Variants in GPR63 observed in about 807,000 individuals in gnomAD.
GPR63 encodes the protein probable G protein-coupled receptor 63.
In GPR63, 12 loss-of-function variants were observed where a neutral mutation model predicts 23.1. That is an observed-to-expected ratio of 0.52 (90% confidence interval 0.33 to 0.84). The LOEUF is 0.84. Ranked by LOEUF, GPR63 falls within the 40% of genes least tolerant of loss-of-function variation. The probability of loss-of-function intolerance (pLI) is 0.02; values close to 1 mark genes in which losing one functional copy is unlikely to be tolerated. For synonymous variants in GPR63, 172 were observed against 191.1 expected (o/e 0.90, Z 0.82); for missense variants, 472 against 515.6 (o/e 0.92, Z 0.82).
chr6:96,835,868 G>A (rs1774714051), intron 1 of GPR63, among the ~76,000 whole-genome samples: 2 of 152,036 alleles, frequency 1.3e-5, no homozygotes, highest in African/African-American at 2.4e-5. Flanking sequence ...ACACTATCCC[G>A]TCTGCCTTGG....
intron 1 of GPR63, among the ~76,000 whole-genome samples, chr6:96,820,858 A>G (rs1256413234): frequency 6.6e-6 from 1 of 152,208 alleles, no homozygotes; most frequent in Non-Finnish European, 1.5e-5. Context: ...TAGTTTATCT[A>G]ATCAAAACTA....
At chr6:96,817,798 T>TG (rs1774201489) in intron 1 of GPR63, among the ~76,000 whole-genome samples, 1 of 151,984 alleles carries the variant, frequency 6.6e-6, no homozygotes, top group African/African-American at 2.4e-5. Context: ...AATTCATCTA[T>TG]GTTAGTAGTT....
chr6:96,800,429 G>A (rs752417460), intron 1 of GPR63, among the ~76,000 whole-genome samples: 21 of 152,170 alleles, frequency 1.4e-4, no homozygotes, highest in Middle Eastern at 6.8e-3. Context: ...TAGGCACTAA[G>A]TAATTGTCAA....
chr6:96,816,900 C>T (rs1188098035), intron 1 of GPR63, among the ~76,000 whole-genome samples: 6 of 152,128 alleles, frequency 3.9e-5, no homozygotes, highest in Admixed American at 3.9e-4. Flanking sequence ...TCCAATATAA[C>T]AACCAAATAT....
rs74568233 is a variant in GPR63, at chr6:96,800,465, T to C, written c.-150-584A>G. The stretch of plus-strand genomic sequence containing the variant: ...TGAAGATCTGAAACATTTTCTTGGC[T>C]TGCTATTTATTTATTTATCCAATTA... On this transcript the variant is annotated intron_variant, in intron 1 of 1. Coordinates refer to ENST00000229955, the MANE Select transcript of GPR63 (RefSeq NM_030784.4). 2.9e-3 allele frequency among the ~76,000 whole-genome samples: 439 copies of C among 152,296 alleles called. 1 individual carries two copies. Among genetic ancestry groups the C allele is most frequent in the African/African-American group, 0.01 (423 of 41,578 alleles).
chr6:96,817,508 A>G (rs1263498839), intron 1 of GPR63, among the ~76,000 whole-genome samples: 1 of 152,186 alleles, frequency 6.6e-6, no homozygotes, highest in Non-Finnish European at 1.5e-5. Context: ...CTCCTGAGTA[A>G]TGAACAGAAA....
chr6:96,826,458 T>C (rs1774440884), intron 1 of GPR63, among the ~76,000 whole-genome samples: 1 of 152,138 alleles, frequency 6.6e-6, no homozygotes, highest in African/African-American at 2.4e-5. Flanking sequence ...AATTAAAAAT[T>C]GAAATTAAAA....
chr6:96,819,003 A>G (rs552312982), intron 1 of GPR63, among the ~76,000 whole-genome samples: 2 of 152,154 alleles, frequency 1.3e-5, no homozygotes, highest in East Asian at 1.9e-4. Flanking sequence ...TGATCATTAA[A>G]AAGTCAGGAA....
At chr6:96,818,476 T>C (rs975765419) in intron 1 of GPR63, among the ~76,000 whole-genome samples, 2 of 151,606 alleles carry the variant, frequency 1.3e-5, no homozygotes, top group African/African-American at 4.8e-5. Context: ...AAAAAAAAAA[T>C]TTTCATGTAC....
chr6:96,831,541 G>T (rs1774580303), intron 1 of GPR63, among the ~76,000 whole-genome samples: 1 of 151,910 alleles, frequency 6.6e-6, no homozygotes, highest in African/African-American at 2.4e-5. Context: ...AAATATCAAT[G>T]CCCTTTTATT....
intron 1 of GPR63, among the ~76,000 whole-genome samples, chr6:96,819,723 C>T (rs909219038): frequency 1.4e-5 from 2 of 144,344 alleles, no homozygotes; most frequent in African/African-American, 2.7e-5. Flanking sequence ...AACTAAATTG[C>T]CAAAAAAAAA....
chr6:96,816,729 A>G (rs1774174691), intron 1 of GPR63, among the ~76,000 whole-genome samples: 1 of 152,174 alleles, frequency 6.6e-6, no homozygotes, highest in South Asian at 2.1e-4. Context: ...GAAAAGCTTG[A>G]AAGTCTGGTA....
chr6:96,800,422 G>A (rs1773732365), intron 1 of GPR63, among the ~76,000 whole-genome samples: 1 of 151,850 alleles, frequency 6.6e-6, no homozygotes, highest in Admixed American at 6.6e-5. Context: ...TTATAAGTAG[G>A]CACTAAGTAA....
In GPR63 at chr6:96,796,856, A is replaced by G. The variant is rs1289454178; in HGVS notation, c.*1616T>C. On this transcript the variant is annotated 3_prime_UTR_variant, in exon 2 of 2. Transcript: ENST00000229955. ...GTTTTGCAAATCAAAAACAAAAAAA[A>G]AAATCACTGGTTTTGCTTCACAGCC... is the stretch of plus-strand genomic sequence containing the variant. The G allele has an allele frequency of 1.3e-5, 2 of 152,224 alleles. No homozygotes were observed. The highest frequency in any genetic ancestry group is 1.3e-4 in the Admixed American group (2 of 15,280). 9.4% of individuals were successfully genotyped at this position (152,224 alleles called of 1,614,324 possible). A position where few individuals can be genotyped will look rare whatever the true frequency, so the allele number is the denominator to read the frequency against.
chr6:96,836,656 T>C (rs1237866755), intron 1 of GPR63, among the ~76,000 whole-genome samples: 1 of 151,876 alleles, frequency 6.6e-6, no homozygotes, highest in Admixed American at 6.6e-5. Context: ...AAAAGAAGAA[T>C]GTTTCCGAAA....
intron 1 of GPR63, among the ~76,000 whole-genome samples, chr6:96,828,662 T>C (rs1398275339): frequency 6.6e-6 from 1 of 150,766 alleles, no homozygotes; most frequent in African/African-American, 2.4e-5. Flanking sequence ...AAATACATAA[T>C]AATATGATAA....
chr6:96,831,023 G>C (rs1018435005), intron 1 of GPR63, among the ~76,000 whole-genome samples: 9 of 152,118 alleles, frequency 5.9e-5, no homozygotes, highest in Non-Finnish European at 1.3e-4. Flanking sequence ...ACAGCTCAAG[G>C]CTAAATTTTG....
At chr6:96,821,234 C>A (rs1774305796) in intron 1 of GPR63, among the ~76,000 whole-genome samples, 1 of 152,212 alleles carries the variant, frequency 6.6e-6, no homozygotes, top group African/African-American at 2.4e-5. Context: ...AATACATACG[C>A]ACTAGCAGTT....
intron 1 of GPR63, among the ~76,000 whole-genome samples, chr6:96,806,886 T>C (rs1773909734): frequency 6.6e-6 from 1 of 152,108 alleles, no homozygotes. Flanking sequence ...AGAAAAAAAT[T>C]AAGGCCTGAT....
Sources: allele counts gnomAD v4.1 joint callset (sites outside exome capture counted in the v4.1 genomes callset), GRCh38; gene constraint gnomAD v4.1.1; transcripts MANE v1.5; gene names NCBI Gene and HGNC (gene_info 2026-07-23, HGNC 2026-07-21).